SORCS2: variants seen among roughly 807,000 people sequenced by gnomAD.
The protein encoded by SORCS2 is VPS10 domain-containing receptor SorCS2.
A neutral mutation model predicts 141.6 loss-of-function variants in SORCS2; 100 were observed. The observed-to-expected ratio is 0.71, with a 90% CI of 0.60 to 0.83. The LOEUF (loss-of-function observed/expected upper bound fraction) is 0.83, where lower values mean the gene tolerates loss of function less well. Ranked by LOEUF, SORCS2 falls within the 40% of genes least tolerant of loss-of-function variation. SORCS2 has a pLI of 0.00. For missense variants in SORCS2, 1,646 were observed against 1,560.2 expected (o/e 1.05, Z -0.93); for synonymous variants, 789 against 676.9 (o/e 1.17, Z -2.57).
chr4:7,564,236 C>G (rs870014), intron 3 of SORCS2, among the ~76,000 whole-genome samples: 21,031 of 152,216 alleles, frequency 0.14, 2,199 homozygotes, highest in African/African-American at 0.29. Flanking sequence ...ATGAAGTGGA[C>G]ATTCATATTC....
intron 22 of SORCS2, among the ~76,000 whole-genome samples, chr4:7,729,203 G>A (rs913720004): frequency 3.9e-5 from 6 of 152,180 alleles, no homozygotes; most frequent in Non-Finnish European, 5.9e-5. Flanking sequence ...GGAGGCAGCT[G>A]GAGTCAGTGG....
intron 1 of SORCS2, among the ~76,000 whole-genome samples, chr4:7,266,292 A>G (rs1380281053): frequency 6.6e-6 from 1 of 152,114 alleles, no homozygotes; most frequent in Admixed American, 6.5e-5. Context: ...AAGTTGGGAG[A>G]AGATGCTGGA....
chr4:7,687,608 C>T (rs556219144), intron 10 of SORCS2, among the ~76,000 whole-genome samples: 1 of 152,244 alleles, frequency 6.6e-6, no homozygotes, highest in South Asian at 2.1e-4. Context: ...CCCCAGGTTC[C>T]ACTGGGGATG....
intron 2 of SORCS2, among the ~76,000 whole-genome samples, chr4:7,494,271 T>C (rs915039363): frequency 3.3e-5 from 5 of 152,258 alleles, no homozygotes; most frequent in Non-Finnish European, 7.3e-5. Context: ...TAGTGACTGA[T>C]CGAGCTGTTT....
chr4:7,723,985 C>T (rs1726785990), intron 19 of SORCS2, 102 bp downstream of exon 19: 1 of 1,359,054 alleles, frequency 7.4e-7, no homozygotes, highest in Non-Finnish European at 9.7e-7. Context: ...CTCTAGGCCC[C>T]TGGTACTCAG....
At chr4:7,454,056 G>T (rs1728685261) in intron 2 of SORCS2, among the ~76,000 whole-genome samples, 1 of 122,278 alleles carries the variant, frequency 8.2e-6, no homozygotes, top group Non-Finnish European at 1.7e-5. Context: ...CTGTGTTGGG[G>T]TCAGGAGCTG....
chr4:7,656,230 C>T (rs1405022570), intron 5 of SORCS2, among the ~76,000 whole-genome samples: 1 of 152,194 alleles, frequency 6.6e-6, no homozygotes, highest in African/African-American at 2.4e-5. Flanking sequence ...TTAGAGTGGC[C>T]TGCAAGCGAG....
At chr4:7,697,873 T>TA (rs11405571) in intron 12 of SORCS2, among the ~76,000 whole-genome samples, 30,698 of 151,920 alleles carry the variant, frequency 0.2, 3,185 homozygotes, top group South Asian at 0.3. Context: ...AGTGCACACT[T>TA]ACGCAGGATG....
chr4:7,537,965 G>T (rs146785224), intron 3 of SORCS2, among the ~76,000 whole-genome samples: 1 of 152,256 alleles, frequency 6.6e-6, no homozygotes, highest in Non-Finnish European at 1.5e-5. Context: ...CAGGTTGGGC[G>T]ACACAGTGAG....
In SORCS2 at chr4:7,628,467, T is replaced by C. The variant is rs546416898; in HGVS notation, c.649-9861T>C. 9.5e-5 allele frequency among the ~76,000 whole-genome samples: 14 copies of C among 147,876 alleles called. No individual in the cohort carries two copies. The South Asian group carries it at 1.7e-3, about 18-fold the overall frequency. ...CCGGGAGATGGAGCTTGCAGTGAGC[T>C]GAGATTGTGCCACTGCACTCCAGCC... On this transcript the variant is annotated intron_variant, in intron 3 of 26. Coordinates refer to ENST00000507866, the MANE Select transcript of SORCS2 (RefSeq NM_020777.3).
Position 7,592,766 on chromosome 4 carries a change from C to G in SORCS2, c.649-45562C>G, listed in dbSNP as rs568546385. Among the ~76,000 whole-genome samples, 7 of 152,346 alleles carry G rather than the reference C, an allele frequency of 4.6e-5. No individual in the cohort carries two copies. In the South Asian group the frequency reaches 6.2e-4, roughly 14 times the overall value. ...CTTCAGGGTGGATTGGCAGCAAAAC[C>G]TAGCCTATGCATTCTCAAATGTAAT... On this transcript the variant is annotated intron_variant, in intron 3 of 26. Transcript: ENST00000507866.
chr4:7,383,073 C>A (rs1400050447), intron 1 of SORCS2, among the ~76,000 whole-genome samples: 1 of 152,128 alleles, frequency 6.6e-6, no homozygotes, highest in South Asian at 2.1e-4. Context: ...TTCGATCCCA[C>A]GGAGTCCTCA....
intron 3 of SORCS2, among the ~76,000 whole-genome samples, chr4:7,537,516 T>TAG (rs140010061): frequency 2.6e-5 from 4 of 152,018 alleles, no homozygotes; most frequent in African/African-American, 4.8e-5. Flanking sequence ...TGCTTGGTGC[T>TAG]AGAGAGAGAG....
At chr4:7,519,685 G>C (rs746220108) in intron 2 of SORCS2, among the ~76,000 whole-genome samples, 1 of 152,208 alleles carries the variant, frequency 6.6e-6, no homozygotes, top group African/African-American at 2.4e-5. Flanking sequence ...GGAGCAACCT[G>C]CTTCCTTAGC....
rs534971824 is a variant in SORCS2, at chr4:7,694,005, C to T, written c.1592-3193C>T. 8.5e-4 allele frequency among the ~76,000 whole-genome samples: 129 copies of T among 152,330 alleles called. 1 individual carries two copies. Among genetic ancestry groups the T allele is most frequent in the African/African-American group, 2.5e-3 (103 of 41,572 alleles). On this transcript the variant is annotated intron_variant, in intron 11 of 26. Transcript: ENST00000507866. ...TGGGGCAGCCCACTCACCTGGGCCC[C>T]GGCTGTGTCTTGGTGATCGCCGGTG...
At chr4:7,458,025 C>A (rs1336982302) in intron 2 of SORCS2, among the ~76,000 whole-genome samples, 4 of 152,166 alleles carry the variant, frequency 2.6e-5, no homozygotes, top group Non-Finnish European at 5.9e-5. Flanking sequence ...TCCTGGTTAC[C>A]CCAAAACAAA....
chr4:7,253,412 T>TC (rs139874247), intron 1 of SORCS2, among the ~76,000 whole-genome samples: 2,511 of 152,268 alleles, frequency 0.016, 64 homozygotes, highest in African/African-American at 0.057. Context: ...ACACGGGCCG[T>TC]CCCCCTGTTC....
chr4:7,535,516 T>C (rs1418824618), intron 3 of SORCS2, among the ~76,000 whole-genome samples: 2 of 152,180 alleles, frequency 1.3e-5, no homozygotes, highest in African/African-American at 4.8e-5. Context: ...TCCTCATTGG[T>C]GAAATGGGGG....
intron 1 of SORCS2, among the ~76,000 whole-genome samples, chr4:7,352,030 T>G (rs1386969845): frequency 6.6e-6 from 1 of 151,986 alleles, no homozygotes; most frequent in East Asian, 1.9e-4. Context: ...ATTAATCCAT[T>G]TATCTACCCG....
Sources: allele counts gnomAD v4.1 joint callset (sites outside exome capture counted in the v4.1 genomes callset), GRCh38; gene constraint gnomAD v4.1.1; transcripts MANE v1.5; gene names NCBI Gene and HGNC (gene_info 2026-07-23, HGNC 2026-07-21).